The following SKAP2 variants were observed in gnomAD, a reference collection of about 807,000 sequenced individuals.
SKAP2 encodes src kinase associated phosphoprotein 2, also known as src kinase-associated phosphoprotein 2.
A neutral mutation model predicts 54.9 loss-of-function variants in SKAP2; 28 were observed. That is an observed-to-expected ratio of 0.51 (90% CI 0.38 to 0.70). The LOEUF (loss-of-function observed/expected upper bound fraction) is 0.70. SKAP2 is among the 30% of genes least tolerant of loss of function. The pLI is 0.00. For synonymous variants in SKAP2, 137 were observed against 134.3 expected (o/e 1.02, Z -0.14); for missense variants, 356 against 424.1 (o/e 0.84, Z 1.41).
intron 4 of SKAP2, among the ~76,000 whole-genome samples, chr7:26,837,133 A>G (rs1478651500): frequency 6.6e-6 from 1 of 152,152 alleles, no homozygotes; most frequent in Non-Finnish European, 1.5e-5. Context: ...GGAGTTGAAC[A>G]ATGAGAACAC....
At chr7:26,764,526 T>G (rs1467017505) in intron 4 of SKAP2, among the ~76,000 whole-genome samples, 1 of 152,116 alleles carries the variant, frequency 6.6e-6, no homozygotes, top group Non-Finnish European at 1.5e-5. Flanking sequence ...ACACAGATGT[T>G]TTTAAAAATT....
At chr7:26,816,486 AT>A (rs1784268943) in intron 4 of SKAP2, among the ~76,000 whole-genome samples, 1 of 152,108 alleles carries the variant, frequency 6.6e-6, no homozygotes, top group African/African-American at 2.4e-5. Context: ...TAGGCTATCA[AT>A]TTTTAAAATA....
At chr7:26,704,040 G>A (rs1787106223) in intron 9 of SKAP2, among the ~76,000 whole-genome samples, 1 of 152,150 alleles carries the variant, frequency 6.6e-6, no homozygotes, top group African/African-American at 2.4e-5. Flanking sequence ...TGCAACTTAT[G>A]AGAAAGTTAA....
chr7:26,856,325 A>G (rs558630387), intron 1 of SKAP2, among the ~76,000 whole-genome samples: 142 of 152,082 alleles, frequency 9.3e-4, no homozygotes, highest in Non-Finnish European at 1.8e-3. Flanking sequence ...GTATTAAAAA[A>G]TAAGTATCAA....
At chr7:26,686,053 T>G (rs1786633393) in intron 10 of SKAP2, among the ~76,000 whole-genome samples, 1 of 152,166 alleles carries the variant, frequency 6.6e-6, no homozygotes, top group South Asian at 2.1e-4. Context: ...CTAGTCAGAT[T>G]AGCATGTCAT....
chr7:26,698,010 T>C (rs1374952328), intron 9 of SKAP2, among the ~76,000 whole-genome samples: 3 of 152,190 alleles, frequency 2.0e-5, no homozygotes, highest in Non-Finnish European at 4.4e-5. Flanking sequence ...GATTAAAAAA[T>C]ACTATCTAGT....
chr7:26,770,411 T>G (rs1490479067), intron 4 of SKAP2, among the ~76,000 whole-genome samples: 2 of 152,168 alleles, frequency 1.3e-5, no homozygotes, highest in Non-Finnish European at 2.9e-5. Context: ...TGGGATCTGC[T>G]GAGCAAGACT....
chr7:26,708,573 T>G (rs1787222583), intron 9 of SKAP2, among the ~76,000 whole-genome samples: 1 of 152,174 alleles, frequency 6.6e-6, no homozygotes, highest in African/African-American at 2.4e-5. Context: ...TTTAGTAAAC[T>G]CCCCAACCTT....
intron 1 of SKAP2, 113 bp from the exon 2 acceptor site, chr7:26,855,003 G>A: frequency 2.9e-6 from 2 of 683,112 alleles, no homozygotes; most frequent in Non-Finnish European, 4.6e-6. Flanking sequence ...TGTACAATTT[G>A]TTATAGTTAT....
intron 9 of SKAP2, among the ~76,000 whole-genome samples, chr7:26,697,389 G>T (rs1159163440): frequency 6.6e-6 from 1 of 152,202 alleles, no homozygotes; most frequent in East Asian, 1.9e-4. Flanking sequence ...AAGCGACTGT[G>T]AATTAGAAAA....
chr7:26,862,175 G>T (rs939418232), intron 1 of SKAP2, among the ~76,000 whole-genome samples: 8 of 151,926 alleles, frequency 5.3e-5, no homozygotes, highest in Non-Finnish European at 7.4e-5. Context: ...ATTATGAAAA[G>T]AATCATGTAC....
intron 1 of SKAP2, among the ~76,000 whole-genome samples, chr7:26,855,378 A>T (rs1222332578): frequency 6.6e-6 from 1 of 152,092 alleles, no homozygotes; most frequent in Admixed American, 6.6e-5. Flanking sequence ...GGTATATCCA[A>T]CATGTAATGC....
intron 4 of SKAP2, among the ~76,000 whole-genome samples, chr7:26,837,575 C>T (rs565167090): frequency 1.2e-4 from 19 of 152,090 alleles, no homozygotes; most frequent in Non-Finnish European, 2.5e-4. Flanking sequence ...GAAGATAGCA[C>T]GAGGCCATGA....
chr7:26,782,232 C>A (rs1004350019), intron 4 of SKAP2, among the ~76,000 whole-genome samples: 1 of 152,068 alleles, frequency 6.6e-6, no homozygotes, highest in Admixed American at 6.6e-5. Flanking sequence ...GAAAAGTCAC[C>A]TGGTAATTAT....
intron 9 of SKAP2, 39 bp from the exon 10 acceptor site, chr7:26,690,401 T>A: frequency 7.4e-7 from 1 of 1,349,808 alleles, no homozygotes; most frequent in Non-Finnish European, 1.1e-6. Context: ...TGAAGGGTTT[T>A]CTCAGGGATA....
downstream of SKAP2, among the ~76,000 whole-genome samples, chr7:26,663,974 C>A (rs1786062734): frequency 6.6e-6 from 1 of 152,162 alleles, no homozygotes; most frequent in Non-Finnish European, 1.5e-5. Flanking sequence ...ATTCAGCTAT[C>A]CAATTGTCAA....
At chr7:26,770,597 G>A (rs1783169302) in intron 4 of SKAP2, among the ~76,000 whole-genome samples, 1 of 152,138 alleles carries the variant, frequency 6.6e-6, no homozygotes, top group African/African-American at 2.4e-5. Flanking sequence ...GGCACCCAAG[G>A]GAATCTCCTG....
chr7:26,800,790 GA>G (rs1179091557), intron 4 of SKAP2, among the ~76,000 whole-genome samples: 1 of 152,078 alleles, frequency 6.6e-6, no homozygotes, highest in Non-Finnish European at 1.5e-5. Flanking sequence ...TGACCAAGAT[GA>G]ACCAGGAAGA....
intron 4 of SKAP2, among the ~76,000 whole-genome samples, chr7:26,768,214 C>A (rs1403764552): frequency 6.6e-6 from 1 of 151,390 alleles, no homozygotes; most frequent in African/African-American, 2.4e-5. Context: ...TTATGTAATG[C>A]CCTTGTCTTT....
Sources: gnomAD v4.1 joint callset for allele counts (sites outside exome capture counted in the v4.1 genomes callset) on GRCh38, gnomAD v4.1.1 for gene constraint, MANE v1.5 for transcripts, NCBI Gene and HGNC (gene_info 2026-07-23, HGNC 2026-07-21) for gene names.